The following MICA variants were observed in gnomAD, a reference collection of about 807,000 sequenced individuals.
MICA encodes the protein HLA class I antigen.
MICA carries 18 observed loss-of-function variants against 34.3 expected under a neutral mutation model. That is an observed-to-expected ratio of 0.52 (90% CI 0.36 to 0.78). The LOEUF (loss-of-function observed/expected upper bound fraction) is 0.78, where lower values mean the gene tolerates loss of function less well. Among genes scored for constraint, MICA ranks in the 30% least tolerant of loss-of-function variants. MICA has a pLI of 0.00. For synonymous variants in MICA, 135 were observed against 156.9 expected (o/e 0.86, Z 1.04); for missense variants, 333 against 409.4 (o/e 0.81, Z 1.61).
rs1474417946 is a variant in MICA, at chr6:31,410,630, G to A, written c.158G>A (p.Gly53Asp). The A allele has an allele frequency of 6.2e-7, 1 of 1,613,606 alleles. No individual in the cohort carries two copies. The highest frequency in any genetic ancestry group is 8.5e-7 in the Non-Finnish European group (1 of 1,180,034). ...SGFLAEVHLD[G>D]QPFLRYDRQK... ...TTTCTTGCTGAGGTACATCTGGATG[G>A]TCAGCCCTTCCTGCGCTATGACAGG... The change falls in exon 2 of 6, where the codon GGT becomes GAT. Residue 53 changes from glycine (G) to aspartate (D), a missense_variant. Physicochemically the swap from Gly to Asp is moderately conservative, Grantham distance 94 (BLOSUM62 -1). Transcript: ENST00000449934.
At chr6:31,404,368 C>A (rs1289057036) in intron 1 of MICA, among the ~76,000 whole-genome samples, 1 of 151,616 alleles carries the variant, frequency 6.6e-6, no homozygotes, top group Non-Finnish European at 1.5e-5. Flanking sequence ...TCTCATCCCA[C>A]CCCTACTAAT....
chr6:31,412,599 G>T, intron 5 of MICA, 139 bp downstream of exon 5: 1 of 582,076 alleles, frequency 1.7e-6, no homozygotes, highest in Non-Finnish European at 3.0e-6. Context: ...TTTGGGAAGG[G>T]AATGGGGGCA....
At position 31,410,545 on chromosome 6, in the gene MICA, C is replaced by A. The variant is rs1239746147; in HGVS notation, c.73C>A (p.Pro25Thr). 1 of 1,611,710 alleles carries A rather than the reference C, an allele frequency of 6.2e-7. No individual in the cohort carries two copies. Among genetic ancestry groups the A allele is most frequent in the Non-Finnish European group, 8.5e-7 (1 of 1,179,484 alleles). The change falls in exon 2 of 6, where the codon CCC becomes ACC. Residue 25 changes from proline (P) to threonine (T), a missense_variant and splice_region_variant. Coordinates refer to ENST00000449934, the MANE Select transcript of MICA (RefSeq NM_001177519.3). ...ACCTGTGATTTCCTCTTCCCCAGAG[C>A]CCCACAGTCTTCGTTATAACCTCAC... ...PFAPPGAAAE[P>T]HSLRYNLTVL...
rs9266829 is a variant in MICA, at chr6:31,415,187, A to G, written c.*205A>G. 0.29 allele frequency: 222,111 copies of G among 773,736 alleles called. 36,251 individuals are homozygous for G. Among genetic ancestry groups the G allele is most frequent in the African/African-American group, 0.42 (23,764 of 56,680 alleles). The allele number at this position is 773,736 out of a possible 1,614,324, so 47.9% of individuals were successfully genotyped here. Reference sequence around the variant, plus strand: ...ATTGAATTCCCTGCCTGGATCTCACAAGCACTTTCCCTCTTGGTGCCTCAG... The same window carrying G: ...ATTGAATTCCCTGCCTGGATCTCACGAGCACTTTCCCTCTTGGTGCCTCAG... On this transcript the variant is annotated 3_prime_UTR_variant, in exon 6 of 6. Transcript: ENST00000449934.
chr6:31,406,156 G>A (rs1232352117), intron 1 of MICA, among the ~76,000 whole-genome samples: 3 of 151,630 alleles, frequency 2.0e-5, no homozygotes, highest in Non-Finnish European at 4.4e-5. Context: ...ACTAGTTTAC[G>A]TTCCCACCAA....
At chr6:31,407,065 A>T (rs1330950527) in intron 1 of MICA, among the ~76,000 whole-genome samples, 1 of 151,564 alleles carries the variant, frequency 6.6e-6, no homozygotes, top group Non-Finnish European at 1.5e-5. Context: ...GCATTTTAGG[A>T]TTATTTTTAT....
rs199503730 is a variant in MICA at position 31,412,224 on chromosome 6, TG to T, written c.892+1del. On this transcript the variant is annotated frameshift_variant and splice_region_variant, in exon 4 of 6. Coordinates refer to ENST00000449934, the MANE Select transcript of MICA (RefSeq NM_001177519.3). LOFTEE classifies it high-confidence loss of function. ...ATCACAGCACTCACCCTGTGCCCTC[TG>T]GTGAGCCTAGGGTGACCCTGGAGAG... The part of the protein sequence containing the change: ...GNHSTHPVPS[G>X]KVLVLQSHWQ... 60,730 of 1,608,978 alleles carry T rather than the reference TG, an allele frequency of 0.038. 1,564 individuals carry two copies. Among genetic ancestry groups the T allele is most frequent in the African/African-American group, 0.061 (4,518 of 74,668 alleles).
rs746669979 is a variant in MICA at position 31,410,645 on chromosome 6, G to T, written c.173G>T (p.Arg58Leu). The T allele has an allele frequency of 4.3e-6, 7 of 1,613,538 alleles. No individual in the cohort carries two copies. In the South Asian group the frequency reaches 6.6e-5, roughly 15 times the overall value. ...CATCTGGATGGTCAGCCCTTCCTGC[G>T]CTATGACAGGCAGAAATGCAGGGCA... The part of the protein sequence containing the change: ...EVHLDGQPFL[R>L]YDRQKCRAKP... The change falls in exon 2 of 6, where the codon CGC becomes CTC. Residue 58 changes from arginine to leucine, a missense_variant. By Grantham distance (102) the Arg-to-Leu change is moderately radical. Coordinates refer to ENST00000449934, the MANE Select transcript of MICA (RefSeq NM_001177519.3).
chr6:31,412,735 G>A (rs1771271479), intron 5 of MICA, among the ~76,000 whole-genome samples: 1 of 151,870 alleles, frequency 6.6e-6, no homozygotes, highest in Non-Finnish European at 1.5e-5. Context: ...TCCCCATCCC[G>A]GTCTCTGTGT....
In MICA at chr6:31,410,383, C is replaced by T. The variant is rs967075677; in HGVS notation, c.71-160C>T. Among the ~76,000 whole-genome samples the T allele has an allele frequency of 5.3e-4, 81 of 151,954 alleles. 2 individuals carry two copies. Among genetic ancestry groups the T allele is most frequent in the African/African-American group, 1.9e-3 (77 of 41,356 alleles). ...TCATCAGCCCCCTCCTCTATCCTCC[C>T]ACCCTCACAGTTTTCTTTGTATATG... is the stretch of plus-strand genomic sequence containing the variant. On this transcript the variant is annotated intron_variant, in intron 1 of 5. Transcript: ENST00000449934.
Position 31,403,949 on chromosome 6 carries a change from C to A in MICA, c.70+247C>A, listed in dbSNP as rs1465051787. 6.6e-6 allele frequency among the ~76,000 whole-genome samples: 1 copy of A among 151,854 alleles called. No individual in the cohort carries two copies. The highest frequency in any genetic ancestry group is 1.5e-5 in the Non-Finnish European group (1 of 68,030). Reference sequence around the variant, plus strand: ...CCTCCTGCTCTTTCTCTCCTCGCGTCTCCTCCGCTTCCTCTCACTTTTCGG... The same window carrying A: ...CCTCCTGCTCTTTCTCTCCTCGCGTATCCTCCGCTTCCTCTCACTTTTCGG... On this transcript the variant is annotated intron_variant, in intron 1 of 5. Coordinates refer to ENST00000449934, the MANE Select transcript of MICA (RefSeq NM_001177519.3). The surrounding 1 kb of genome is among the most constrained non-coding windows in gnomAD (Gnocchi z 4.7).
At chr6:31,409,309 C>CTGTGTGGTGTGTGTGTGTGTGTGTG in intron 1 of MICA, among the ~76,000 whole-genome samples, 1 of 149,594 alleles carries the variant, frequency 6.7e-6, no homozygotes, top group South Asian at 2.2e-4. Context: ...CAACCTTGCT[C>CTGTGTGGTGTGTGTGTGTGTGTGTG]TGTGTGTGTG....
At chr6:31,406,295 A>T (rs73400359) in intron 1 of MICA, among the ~76,000 whole-genome samples, 4,154 of 151,700 alleles carry the variant, frequency 0.027, 137 homozygotes, top group Admixed American at 0.042. Context: ...ATTTGCCTTC[A>T]TCTGTTGACG....
intron 5 of MICA, among the ~76,000 whole-genome samples, chr6:31,414,256 G>C (rs1035761664): frequency 6.6e-6 from 1 of 151,962 alleles, no homozygotes; most frequent in Non-Finnish European, 1.5e-5. Context: ...TGGCCGGGTG[G>C]AATCCCTGCT....
Position 31,412,032 on chromosome 6 carries a change from G to T in MICA, c.699G>T (p.Arg233=). 1 of 1,612,980 alleles carries T rather than the reference G, an allele frequency of 6.2e-7. No individual in the cohort carries two copies. Among genetic ancestry groups the T allele is most frequent in the African/African-American group, 1.3e-5 (1 of 74,804 alleles). ...VTCRASSFYP[R]NIILTWRQDG... is the part of the protein sequence containing the mutation. Reference sequence around the variant, plus strand: ...GCAGGGCTTCCAGCTTCTATCCCCGGAATATCATACTGACCTGGCGTCAGG... The same window carrying T: ...GCAGGGCTTCCAGCTTCTATCCCCGTAATATCATACTGACCTGGCGTCAGG... The change falls in exon 4 of 6, where the codon CGG becomes CGT. Residue 233 remains arginine, a synonymous_variant. Transcript: ENST00000449934.
At chr6:31,401,510 T>A (rs192042375), upstream of MICA, among the ~76,000 whole-genome samples, 95 of 151,568 alleles carry the variant, frequency 6.3e-4, no homozygotes, top group South Asian at 4.0e-3. Flanking sequence ...AGATGGTAGA[T>A]GACAGCTGGG....
intron 1 of MICA, among the ~76,000 whole-genome samples, chr6:31,404,348 C>A (rs1224189146): frequency 6.6e-6 from 1 of 151,492 alleles, no homozygotes; most frequent in Non-Finnish European, 1.5e-5. Context: ...TCCGAGGGTC[C>A]TCTCCTCTCT....
At chr6:31,404,005 C>T (rs573505172) in intron 1 of MICA, among the ~76,000 whole-genome samples, 1 of 151,960 alleles carries the variant, frequency 6.6e-6, no homozygotes, top group South Asian at 2.1e-4. Context: ...CCCATGGGTT[C>T]CCGGGCTGCC....
rs748145938 is a variant in MICA at position 31,410,617 on chromosome 6, GTA to G, written c.146_147del (p.Val49AlafsTer11). ...TGTGCAGTCAGGGTTTCTTGCTGAG[GTA>G]CATCTGGATGGTCAGCCCTTCCTGC... ...GSVQSGFLAE[V>X]HLDGQPFLRY... On this transcript the variant is annotated frameshift_variant, in exon 2 of 6. Coordinates refer to ENST00000449934, the MANE Select transcript of MICA (RefSeq NM_001177519.3). LOFTEE classifies it high-confidence loss of function. 60 of 1,613,464 alleles carry G rather than the reference GTA, an allele frequency of 3.7e-5. 1 individual carries two copies. The highest frequency in any genetic ancestry group is 4.7e-5 in the Non-Finnish European group (56 of 1,180,022).
Sources: gnomAD v4.1 joint callset for allele counts (sites outside exome capture counted in the v4.1 genomes callset) on GRCh38, gnomAD v4.1.1 for gene constraint, Gnocchi (gnomAD v3.1) non-coding constraint, MANE v1.5 for transcripts, NCBI Gene and HGNC (gene_info 2026-07-23, HGNC 2026-07-21) for gene names.